Variants in CENPQ observed in about 807,000 individuals in gnomAD.
CENPQ encodes chromosome 6 open reading frame 139.
A neutral mutation model predicts 36.6 loss-of-function variants in CENPQ; 27 were observed. That is an observed-to-expected ratio of 0.74 (90% CI 0.54 to 1.02). CENPQ has a LOEUF of 1.02. Ranked by LOEUF, CENPQ falls within the 50% of genes least tolerant of loss-of-function variation. The pLI is 0.00. For synonymous variants in CENPQ, 101 were observed against 101.7 expected (o/e 0.99, Z 0.04); for missense variants, 306 against 301.8 (o/e 1.01, Z -0.10).
chr6:49,466,518 G>A (rs1359187505), intron 1 of CENPQ, among the ~76,000 whole-genome samples: 2 of 152,132 alleles, frequency 1.3e-5, no homozygotes, highest in African/African-American at 4.8e-5. Flanking sequence ...ACAGTCATTC[G>A]CTCACTTGCC....
At chr6:49,486,634 A>G (rs1400438515) in intron 6 of CENPQ, among the ~76,000 whole-genome samples, 3 of 152,212 alleles carry the variant, frequency 2.0e-5, no homozygotes, top group African/African-American at 4.8e-5. Flanking sequence ...AAAAAACTCC[A>G]ATTTATGAGA....
At chr6:49,474,368 C>T (rs1396209285) in intron 5 of CENPQ, among the ~76,000 whole-genome samples, 1 of 152,090 alleles carries the variant, frequency 6.6e-6, no homozygotes, top group East Asian at 1.9e-4. Flanking sequence ...GAAACTCACT[C>T]AAAACCACTC....
chr6:49,480,128 A>T (rs914985312), intron 5 of CENPQ, among the ~76,000 whole-genome samples: 8 of 152,154 alleles, frequency 5.3e-5, no homozygotes, highest in African/African-American at 1.9e-4. Context: ...AAGATTTTTA[A>T]CCAGATCCCA....
intron 6 of CENPQ, among the ~76,000 whole-genome samples, chr6:49,484,656 T>TC (rs1413064556): frequency 6.6e-6 from 1 of 152,208 alleles, no homozygotes; most frequent in African/African-American, 2.4e-5. Flanking sequence ...TTCCCATTTT[T>TC]CCATAGGATT....
chr6:49,472,158 C>T lies in CENPQ; in HGVS notation c.253C>T (p.Gln85Ter). 1 of 1,611,712 alleles carries T rather than the reference C, an allele frequency of 6.2e-7. No homozygotes were observed. Among genetic ancestry groups the T allele is most frequent in the South Asian group, 1.1e-5 (1 of 90,600 alleles). ...PLSKSTRDHLQTMMESVIMTI... is the reference protein window; with the variant it reads ...PLSKSTRDHL ...GTCAAAGAGTACCAGAGACCATTTGCAAACTATGATGGAATCAGTAATAAT... is the reference window on the plus strand; with the variant it reads ...GTCAAAGAGTACCAGAGACCATTTGTAAACTATGATGGAATCAGTAATAAT... Residue 85 changes from glutamine to a stop codon, truncating the protein, a stop_gained, in exon 4 of 9, where the codon CAA becomes TAA. Coordinates refer to ENST00000335783, the MANE Select transcript of CENPQ (RefSeq NM_018132.4). LOFTEE classifies it high-confidence loss of function.
rs150939742 is a variant in CENPQ at position 49,481,465 on chromosome 6, G to A, written c.477+385G>A. ...CTCAGGAGTGAAGCTGCAGACCTTCGCGGTGAGTGTTACAGCTCATAAAGG... is the reference window on the plus strand; with the variant it reads ...CTCAGGAGTGAAGCTGCAGACCTTCACGGTGAGTGTTACAGCTCATAAAGG... On this transcript the variant is annotated intron_variant, in intron 6 of 8. Coordinates refer to ENST00000335783, the MANE Select transcript of CENPQ (RefSeq NM_018132.4). 1.6e-3 allele frequency among the ~76,000 whole-genome samples: 239 copies of A among 152,208 alleles called. 3 individuals carry two copies. In the East Asian group the frequency reaches 0.042, roughly 26 times the overall value.
At chr6:49,470,337 C>T in intron 2 of CENPQ, 59 bp downstream of exon 2, 2 of 1,069,046 alleles carry the variant, frequency 1.9e-6, no homozygotes, top group Non-Finnish European at 2.8e-6. Flanking sequence ...AGCACTATGG[C>T]TCATGCCTGT....
intron 6 of CENPQ, among the ~76,000 whole-genome samples, chr6:49,482,713 G>A (rs1017418833): frequency 4.6e-5 from 7 of 152,268 alleles, no homozygotes; most frequent in South Asian, 4.1e-4. Context: ...GGCGATAGGC[G>A]AAGGTCCCTT....
At chr6:49,473,249 T>C (rs1374545646) in intron 5 of CENPQ, among the ~76,000 whole-genome samples, 1 of 152,230 alleles carries the variant, frequency 6.6e-6, no homozygotes, top group Non-Finnish European at 1.5e-5. Context: ...TCTTAAATTA[T>C]TTGCATGAGC....
intron 1 of CENPQ, among the ~76,000 whole-genome samples, chr6:49,469,113 T>C (rs1366324817): frequency 6.6e-6 from 1 of 152,224 alleles, no homozygotes; most frequent in Non-Finnish European, 1.5e-5. Flanking sequence ...GTTTGTGATC[T>C]TTCTGTTAAT....
At chr6:49,467,597 A>G (rs1768033553) in intron 1 of CENPQ, among the ~76,000 whole-genome samples, 2 of 152,236 alleles carry the variant, frequency 1.3e-5, no homozygotes, top group South Asian at 4.1e-4. Context: ...ACTCTATCAA[A>G]TTGCTACAAA....
rs534527200 is a variant in CENPQ at position 49,470,546 on chromosome 6, C to T, written c.102+268C>T. Among the ~76,000 whole-genome samples the T allele has an allele frequency of 4.8e-5, 7 of 147,180 alleles. No individual in the cohort carries two copies. In the East Asian group the frequency reaches 6.4e-4, roughly 13 times the overall value. Reference sequence around the variant, plus strand: ...TTGAAGCAGCAGAATTGCTTGAACCCGGGAGGCAGAGGTTGCAGTGAACCG... The same window carrying T: ...TTGAAGCAGCAGAATTGCTTGAACCTGGGAGGCAGAGGTTGCAGTGAACCG... On this transcript the variant is annotated intron_variant, in intron 2 of 8. Coordinates refer to ENST00000335783, the MANE Select transcript of CENPQ (RefSeq NM_018132.4).
intron 6 of CENPQ, among the ~76,000 whole-genome samples, chr6:49,485,839 G>A (rs936365975): frequency 1.3e-5 from 2 of 151,720 alleles, no homozygotes; most frequent in African/African-American, 4.8e-5. Context: ...ATATGAGTAT[G>A]GTAGTAATAC....
At chr6:49,484,241 T>C (rs553565377) in intron 6 of CENPQ, among the ~76,000 whole-genome samples, 2 of 152,188 alleles carry the variant, frequency 1.3e-5, no homozygotes, top group Non-Finnish European at 2.9e-5. Flanking sequence ...AATTATTCTG[T>C]TTTTATAAAT....
At chr6:49,488,811 G>T in intron 8 of CENPQ, 127 bp downstream of exon 8, 1 of 721,584 alleles carries the variant, frequency 1.4e-6, no homozygotes, top group Non-Finnish European at 2.5e-6. Flanking sequence ...GTTTCCCACG[G>T]CATATGGAAG....
At chr6:49,479,775 T>G (rs1015131013) in intron 5 of CENPQ, among the ~76,000 whole-genome samples, 2 of 152,182 alleles carry the variant, frequency 1.3e-5, no homozygotes, top group African/African-American at 4.8e-5. Flanking sequence ...ATATAAAACT[T>G]GGAATGCTAT....
intron 5 of CENPQ, among the ~76,000 whole-genome samples, chr6:49,476,323 A>G (rs1347110131): frequency 2.0e-5 from 3 of 152,226 alleles, no homozygotes; most frequent in Admixed American, 1.3e-4. Context: ...AGCAATGGGG[A>G]AAGGATTCCT....
chr6:49,464,152 C>T (rs937444481), intron 1 of CENPQ, among the ~76,000 whole-genome samples: 7 of 152,046 alleles, frequency 4.6e-5, no homozygotes, highest in African/African-American at 1.7e-4. Flanking sequence ...CGAGATATTG[C>T]GGGGTCGGTT....
chr6:49,472,051 TACTA>T lies in CENPQ; in HGVS notation c.158-9_158-6del, dbSNP rs1193263856. The T allele has an allele frequency of 4.4e-6, 7 of 1,603,792 alleles. No homozygotes were observed. The highest frequency in any genetic ancestry group is 5.9e-6 in the Non-Finnish European group (7 of 1,176,620). On this transcript the variant is annotated splice_polypyrimidine_tract_variant and splice_region_variant and intron_variant, in intron 3 of 8. Coordinates refer to ENST00000335783, the MANE Select transcript of CENPQ (RefSeq NM_018132.4). Reference sequence around the variant, plus strand: ...CTAGATTGATCAGAGCCTCTTCTATTACTAACGACAGGACAAACAAAGCACACTA... The same window carrying T: ...CTAGATTGATCAGAGCCTCTTCTATTACGACAGGACAAACAAAGCACACTA...
Sources: allele counts gnomAD v4.1 joint callset (sites outside exome capture counted in the v4.1 genomes callset), GRCh38; gene constraint gnomAD v4.1.1; transcripts MANE v1.5; gene names NCBI Gene and HGNC (gene_info 2026-07-23, HGNC 2026-07-21).